The following MPDZ variants were observed in gnomAD, a reference collection of about 807,000 sequenced individuals.
MPDZ encodes multiple PDZ domain protein.
A neutral mutation model predicts 239.1 loss-of-function variants in MPDZ; 234 were observed. That is an observed-to-expected ratio of 0.98 (90% CI 0.88 to 1.09). MPDZ has a LOEUF of 1.09. Ranked by LOEUF, MPDZ falls within the 50% of genes least tolerant of loss-of-function variation. The pLI, the probability that MPDZ is intolerant of heterozygous loss-of-function variation, is 0.00. For missense variants in MPDZ, 3,175 were observed against 2,510.0 expected (o/e 1.26, Z -5.66); for synonymous variants, 1,048 against 881.3 (o/e 1.19, Z -3.35).
intron 1 of MPDZ, among the ~76,000 whole-genome samples, chr9:13,253,610 A>T (rs1309478834): frequency 3.3e-5 from 5 of 152,218 alleles, no homozygotes; most frequent in Admixed American, 6.5e-5. Flanking sequence ...AAACTTAAGG[A>T]TACCTGAGTG....
intron 15 of MPDZ, among the ~76,000 whole-genome samples, 190 bp downstream of exon 15, chr9:13,191,941 T>C (rs1954983990): frequency 6.6e-6 from 1 of 152,146 alleles, no homozygotes. Flanking sequence ...ATGAAGTGAT[T>C]TGCCCAATTT....
At chr9:13,157,930 A>T (rs994864134) in intron 24 of MPDZ, 88 bp downstream of exon 24, 11 of 1,077,056 alleles carry the variant, frequency 1.0e-5, no homozygotes, top group Middle Eastern at 2.0e-4. Flanking sequence ...ACAAGAAGCA[A>T]GTTGTAATCC....
intron 43 of MPDZ, among the ~76,000 whole-genome samples, chr9:13,111,460 A>G (rs1234948289): frequency 6.6e-6 from 1 of 152,206 alleles, no homozygotes. Flanking sequence ...TTTGCTTTAG[A>G]GAGACTGAGT....
chr9:13,271,130 AT>A (rs1972855637), intron 1 of MPDZ, among the ~76,000 whole-genome samples: 1 of 152,152 alleles, frequency 6.6e-6, no homozygotes, highest in Non-Finnish European at 1.5e-5. Flanking sequence ...AAAATTAAAT[AT>A]TTTTAAATCT....
At chr9:13,257,061 G>GA (rs1301728788) in intron 1 of MPDZ, among the ~76,000 whole-genome samples, 9 of 152,260 alleles carry the variant, frequency 5.9e-5, no homozygotes, top group East Asian at 3.9e-4. Flanking sequence ...ATCTGGTACA[G>GA]AAAAAATACC....
chr9:13,265,636 T>C (rs1033319453), intron 1 of MPDZ, among the ~76,000 whole-genome samples: 12 of 152,312 alleles, frequency 7.9e-5, no homozygotes, highest in Non-Finnish European at 1.5e-4. Context: ...AGAAATATAG[T>C]TGGCAGCTGG....
At chr9:13,252,973 G>A (rs1484577254) in intron 1 of MPDZ, among the ~76,000 whole-genome samples, 1 of 152,084 alleles carries the variant, frequency 6.6e-6, no homozygotes, top group Non-Finnish European at 1.5e-5. Flanking sequence ...TGTTTATAAC[G>A]TTTTGAAAGG....
chr9:13,126,573 G>A lies in MPDZ; in HGVS notation c.4575C>T (p.Val1525=), dbSNP rs367937602. The A allele has an allele frequency of 1.2e-5, 19 of 1,596,244 alleles. No individual in the cohort carries two copies. The highest frequency in any genetic ancestry group is 3.4e-5 in the South Asian group (3 of 88,586). The change falls in exon 34 of 47, where the codon GTC becomes GTT. Residue 1525 remains valine, a synonymous_variant. Transcript: ENST00000319217. ...GVAATDGRLK[V]GDQILAVDDE... is the part of the protein sequence containing the mutation. ...CATCTACAGCCAGTATCTGATCTCC[G>A]ACTTTGAGTCGTCCATCCTAAATGG...
At chr9:13,145,167 T>C (rs1170280328) in intron 26 of MPDZ, among the ~76,000 whole-genome samples, 1 of 152,064 alleles carries the variant, frequency 6.6e-6, no homozygotes, top group African/African-American at 2.4e-5. Context: ...TAGATTACTC[T>C]ATTATTAGGA....
intron 39 of MPDZ, among the ~76,000 whole-genome samples, chr9:13,115,730 G>A (rs1308996215): frequency 6.6e-6 from 1 of 152,018 alleles, no homozygotes; most frequent in East Asian, 1.9e-4. Flanking sequence ...TGGATCACGA[G>A]GTCAGGAGAT....
chr9:13,237,013 G>C (rs1964232936), intron 3 of MPDZ, among the ~76,000 whole-genome samples: 1 of 151,974 alleles, frequency 6.6e-6, no homozygotes, highest in African/African-American at 2.4e-5. Context: ...ACTACAAATT[G>C]CTTTCAGCGC....
chr9:13,158,200 G>C (rs1950054213), intron 23 of MPDZ, 90 bp from the exon 24 acceptor site: 11 of 970,420 alleles, frequency 1.1e-5, no homozygotes, highest in Non-Finnish European at 1.6e-5. Context: ...AGCTAAAAAT[G>C]CAGGACTGTT....
chr9:13,107,258 G>A, intron 46 of MPDZ, 147 bp from the exon 47 acceptor site: 1 of 801,716 alleles, frequency 1.2e-6, no homozygotes, highest in Non-Finnish European at 1.9e-6. Context: ...AAGCCATTAA[G>A]CAATGATGAA....
chr9:13,211,472 C>T (rs1441663331), intron 10 of MPDZ, among the ~76,000 whole-genome samples: 3 of 152,084 alleles, frequency 2.0e-5, no homozygotes, highest in Non-Finnish European at 4.4e-5. Context: ...TTACTCAAAA[C>T]ACTCCAGCCA....
chr9:13,118,761 C>A (rs1480233486), intron 39 of MPDZ, among the ~76,000 whole-genome samples: 1 of 152,154 alleles, frequency 6.6e-6, no homozygotes, highest in Non-Finnish European at 1.5e-5. Flanking sequence ...CTGTGCTTTA[C>A]AATTAATTCA....
rs374236624 is a variant in MPDZ at position 13,138,071 on chromosome 9, T to C, written c.4086A>G (p.Leu1362=). ...ATCGGTCTTTGTTCCCAGCAAGACT[T>C]AGGCCCAAACCACTATGACCTTTCT... ...ELEKGHSGLG[L]SLAGNKDRSR... is the part of the protein sequence containing the mutation. Residue 1362 remains leucine, a synonymous_variant, in exon 29 of 47, where the codon CTA becomes CTG. Coordinates refer to ENST00000319217, the MANE Select transcript of MPDZ (RefSeq NM_001378778.1). The C allele has an allele frequency of 1.9e-6, 3 of 1,613,794 alleles. No homozygotes were observed. Among genetic ancestry groups the C allele is most frequent in the African/African-American group, 1.3e-5 (1 of 75,046 alleles).
At position 13,118,446 on chromosome 9, in the gene MPDZ, C is replaced by A. The variant is rs181780118; in HGVS notation, c.5379+1056G>T. On this transcript the variant is annotated intron_variant, in intron 39 of 46. Coordinates refer to ENST00000319217, the MANE Select transcript of MPDZ (RefSeq NM_001378778.1). Reference sequence around the variant, plus strand: ...ACAAGCACCTACTTGAAAATCCCTCCAGGAAGCCCAGCCACTCAGAGGCTC... The same window carrying A: ...ACAAGCACCTACTTGAAAATCCCTCAAGGAAGCCCAGCCACTCAGAGGCTC... 6.2e-4 allele frequency among the ~76,000 whole-genome samples: 95 copies of A among 152,262 alleles called. 1 individual carries two copies. Among genetic ancestry groups the A allele is most frequent in the African/African-American group, 2.2e-3 (91 of 41,564 alleles).
intron 3 of MPDZ, among the ~76,000 whole-genome samples, chr9:13,245,658 T>C (rs1238644197): frequency 6.6e-6 from 1 of 152,158 alleles, no homozygotes; most frequent in Non-Finnish European, 1.5e-5. Flanking sequence ...GACCTCACAA[T>C]TTATGTAGTC....
chr9:13,178,994 A>G (rs1421025472), intron 19 of MPDZ, among the ~76,000 whole-genome samples: 1 of 151,944 alleles, frequency 6.6e-6, no homozygotes, highest in Non-Finnish European at 1.5e-5. Context: ...ATGGTGTGAG[A>G]TATGGGTCTG....
Sources: allele counts gnomAD v4.1 joint callset (sites outside exome capture counted in the v4.1 genomes callset), GRCh38; gene constraint gnomAD v4.1.1; transcripts MANE v1.5; gene names NCBI Gene and HGNC (gene_info 2026-07-23, HGNC 2026-07-21).